MCCC2: variants seen among roughly 807,000 people sequenced by gnomAD.
MCCC2 encodes methylcrotonoyl-CoA carboxylase beta chain, mitochondrial.
Under a neutral mutation model 77.2 loss-of-function variants are expected in MCCC2, and 52 were observed. The ratio of observed to expected loss-of-function variants is 0.67; its 90% CI spans 0.54 to 0.85. MCCC2 has a LOEUF of 0.85. Among genes scored for constraint, MCCC2 ranks in the 40% least tolerant of loss-of-function variants. The pLI is 0.00. For synonymous variants in MCCC2, 253 were observed against 248.4 expected (o/e 1.02, Z -0.18); for missense variants, 682 against 703.2 (o/e 0.97, Z 0.34).
rs866100250 is a variant in MCCC2 at position 71,618,552 on chromosome 5, T to C, written c.625-8088T>C. On this transcript the variant is annotated intron_variant, in intron 6 of 16. Coordinates refer to ENST00000340941, the MANE Select transcript of MCCC2 (RefSeq NM_022132.5). ...TCCTTCCTTCCTTCCTTCCTTCCTT[T>C]CTTTCTTTCTCTTTCTTTTTGTAGA... is the stretch of plus-strand genomic sequence containing the variant. 6.8e-3 allele frequency among the ~76,000 whole-genome samples: 889 copies of C among 130,866 alleles called. 4 individuals carry two copies. Among genetic ancestry groups the C allele is most frequent in the Non-Finnish European group, 0.01 (618 of 58,902 alleles). The allele number at this position is 130,866 out of a possible 152,430, so 85.9% of individuals were successfully genotyped here.
chr5:71,596,343 T>C lies in MCCC2; in HGVS notation c.260T>C (p.Ile87Thr). Residue 87 changes from isoleucine to threonine, a missense_variant, in exon 3 of 17, where the codon ATT (isoleucine) becomes ACT (threonine). Physicochemically the swap from Ile to Thr is moderately conservative, Grantham distance 89. Transcript: ENST00000340941. ...SRGKLLPRER[I>T]DNLIDPGSPF... ...GGAAAACTATTGCCCAGAGAAAGAATTGACAATCTCATAGACCCAGGGTGC... is the reference window on the plus strand; with the variant it reads ...GGAAAACTATTGCCCAGAGAAAGAACTGACAATCTCATAGACCCAGGGTGC... The C allele has an allele frequency of 2.5e-6, 4 of 1,614,152 alleles. No individual in the cohort carries two copies. The highest frequency in any genetic ancestry group is 3.4e-6 in the Non-Finnish European group (4 of 1,180,004).
intron 6 of MCCC2, among the ~76,000 whole-genome samples, chr5:71,615,858 G>A (rs1017429025): frequency 6.6e-6 from 1 of 152,138 alleles, no homozygotes; most frequent in Non-Finnish European, 1.5e-5. Flanking sequence ...CTGGGTGATA[G>A]GAGCATCTTT....
chr5:71,644,345 T>G (rs1461716702), intron 12 of MCCC2, among the ~76,000 whole-genome samples: 1 of 152,190 alleles, frequency 6.6e-6, no homozygotes, highest in Non-Finnish European at 1.5e-5. Flanking sequence ...CATGATCTGT[T>G]TATTCTCTTC....
rs778172446 is a variant in MCCC2, at chr5:71,656,808, C to T, written c.1640C>T (p.Ala547Val). ...TRLVLGLSFS[A>V]ALNAPIEKTD... is the part of the protein sequence containing the mutation. ...CTGGTCTTGGGTCTCAGTTTTAGTG[C>T]AGCCCTCAACGCACCAATAGAGAAG... The change falls in exon 17 of 17, where the codon GCA (alanine) becomes GTA (valine). Residue 547 changes from alanine to valine, a missense_variant. Ala to Val is a moderately conservative substitution (Grantham distance 64, BLOSUM62 0). Transcript: ENST00000340941. 4.3e-6 allele frequency: 7 copies of T among 1,614,112 alleles called. No homozygotes were observed. The highest frequency in any genetic ancestry group is 1.6e-4 in the Middle Eastern group (1 of 6,062).
At chr5:71,625,971 G>T (rs1746517893) in intron 6 of MCCC2, among the ~76,000 whole-genome samples, 1 of 152,102 alleles carries the variant, frequency 6.6e-6, no homozygotes, top group African/African-American at 2.4e-5. Context: ...GGAGTCATCA[G>T]CCAAACCTAT....
intron 6 of MCCC2, among the ~76,000 whole-genome samples, chr5:71,619,493 G>A (rs1746290811): frequency 6.6e-6 from 1 of 152,138 alleles, no homozygotes; most frequent in Admixed American, 6.5e-5. Context: ...CTGGGCTCAG[G>A]GAATCTTTCT....
intron 16 of MCCC2, among the ~76,000 whole-genome samples, chr5:71,656,211 C>T (rs1747575202): frequency 6.6e-6 from 1 of 152,108 alleles, no homozygotes; most frequent in South Asian, 2.1e-4. Context: ...CAGAGCGAGA[C>T]TCCATCTCAA....
intron 8 of MCCC2, among the ~76,000 whole-genome samples, chr5:71,633,131 A>ATATTTTTTTTTTTTTT (rs1554137344): frequency 2.8e-4 from 22 of 78,026 alleles, no homozygotes; most frequent in East Asian, 9.8e-4. Flanking sequence ...ATATATATAT[A>ATATTTTTTTTTTTTTT]TTTTTATTTT....
At chr5:71,591,072 T>C (rs530436796) in intron 1 of MCCC2, among the ~76,000 whole-genome samples, 1 of 152,296 alleles carries the variant, frequency 6.6e-6, no homozygotes, top group African/African-American at 2.4e-5. Flanking sequence ...GTAGCAGAAA[T>C]CATGACCCTC....
At chr5:71,636,144 C>A in intron 10 of MCCC2, 1 of 414,994 alleles carries the variant, frequency 2.4e-6, no homozygotes, top group South Asian at 1.8e-5. Flanking sequence ...GATCTTAATT[C>A]CTATAATAGT....
At chr5:71,637,449 A>T (rs570016462) in intron 10 of MCCC2, among the ~76,000 whole-genome samples, 3 of 152,374 alleles carry the variant, frequency 2.0e-5, no homozygotes, top group African/African-American at 7.2e-5. Flanking sequence ...TGCCTTTAAA[A>T]AGTACATACA....
intron 7 of MCCC2, among the ~76,000 whole-genome samples, chr5:71,629,001 C>G (rs949206911): frequency 3.3e-5 from 5 of 151,964 alleles, no homozygotes; most frequent in Admixed American, 3.3e-4. Flanking sequence ...AGATCAGGAA[C>G]TCGAGACCAG....
intron 6 of MCCC2, among the ~76,000 whole-genome samples, chr5:71,617,084 G>A (rs561178413): frequency 2.6e-4 from 40 of 152,152 alleles, no homozygotes; most frequent in Non-Finnish European, 5.1e-4. Flanking sequence ...TTAAGCCCCC[G>A]TGTGATCGGA....
chr5:71,627,093 T>A (rs560185370), intron 7 of MCCC2, among the ~76,000 whole-genome samples: 1 of 152,240 alleles, frequency 6.6e-6, no homozygotes, highest in Non-Finnish European at 1.5e-5. Flanking sequence ...TCATATAATA[T>A]CTGTCCTTTT....
intron 6 of MCCC2, among the ~76,000 whole-genome samples, chr5:71,615,526 C>T (rs1170301030): frequency 6.6e-6 from 1 of 152,130 alleles, no homozygotes; most frequent in Non-Finnish European, 1.5e-5. Flanking sequence ...GTCTTGACCA[C>T]CTCTACATCT....
chr5:71,634,344 C>T (rs1362245251), intron 8 of MCCC2, among the ~76,000 whole-genome samples: 1 of 152,160 alleles, frequency 6.6e-6, no homozygotes, highest in East Asian at 1.9e-4. Flanking sequence ...TTACTAGTTC[C>T]GATTTTTACC....
chr5:71,618,746 G>C (rs751712424), intron 6 of MCCC2, among the ~76,000 whole-genome samples: 18 of 152,136 alleles, frequency 1.2e-4, no homozygotes, highest in Non-Finnish European at 2.6e-4. Context: ...GCAGCAAACA[G>C]TCTAAGACAC....
chr5:71,646,128 C>A, intron 12 of MCCC2, 83 bp from the exon 13 acceptor site: 1 of 1,199,986 alleles, frequency 8.3e-7, no homozygotes, highest in Non-Finnish European at 1.2e-6. Flanking sequence ...TTGTCTTTGG[C>A]TGAAGTTGTG....
intron 12 of MCCC2, among the ~76,000 whole-genome samples, chr5:71,644,649 C>T (rs1384242748): frequency 6.6e-6 from 1 of 152,058 alleles, no homozygotes; most frequent in East Asian, 1.9e-4. Context: ...CACCAAACTA[C>T]TTCAGGAAAT....
Sources: gnomAD v4.1 joint callset for allele counts (sites outside exome capture counted in the v4.1 genomes callset) on GRCh38, gnomAD v4.1.1 for gene constraint, MANE v1.5 for transcripts, NCBI Gene and HGNC (gene_info 2026-07-23, HGNC 2026-07-21) for gene names.